The following SKIDA1 variants were observed in gnomAD, a reference collection of about 807,000 sequenced individuals.
SKIDA1 encodes SKI/DACH domain containing 1.
In SKIDA1, 18 loss-of-function variants were observed where a neutral mutation model predicts 51.4. The ratio of observed to expected loss-of-function variants is 0.35; its 90% CI spans 0.24 to 0.52. The LOEUF is 0.52. SKIDA1 is among the 20% of genes least tolerant of loss of function. The pLI is 0.95. For synonymous variants in SKIDA1, 579 were observed against 500.5 expected, an observed-to-expected ratio of 1.16 and a Z score of -2.09; for missense variants, 1,104 against 1,180.6, an observed-to-expected ratio of 0.94 and a Z score of 0.95.
At chr10:21,521,274 C>G (rs549205309) in intron 3 of SKIDA1, 115 bp downstream of exon 3, 1 of 152,502 alleles carries the variant, frequency 6.6e-6, no homozygotes, top group East Asian at 1.9e-4. Flanking sequence ...CGATCAATAG[C>G]TACCAACATT....
In SKIDA1 at chr10:21,521,371, A is replaced by G; in HGVS notation, c.-1837+18T>C. The G allele has an allele frequency of 6.5e-6, 1 of 152,772 alleles. No homozygotes were observed. Among genetic ancestry groups the G allele is most frequent in the African/African-American group, 2.4e-5 (1 of 41,582 alleles). The allele number at this position is 152,772 out of a possible 1,614,324, so 9.5% of individuals were successfully genotyped here. On this transcript the variant is annotated intron_variant, in intron 3 of 3. Coordinates refer to ENST00000449193, the MANE Select transcript of SKIDA1 (RefSeq NM_207371.4). Reference sequence around the variant, plus strand: ...TCTGTTATCAATTATGCTTAAAGTTATGCAATAATTTACTTACTTTGCCTG... The same window carrying G: ...TCTGTTATCAATTATGCTTAAAGTTGTGCAATAATTTACTTACTTTGCCTG...
At position 21,515,150 on chromosome 10, in the gene SKIDA1, G is replaced by T; in HGVS notation, c.2673C>A (p.Gly891=). The change falls in exon 4 of 4, where the codon GGC becomes GGA. Residue 891 remains glycine (G), a synonymous_variant. Coordinates refer to ENST00000449193, the MANE Select transcript of SKIDA1 (RefSeq NM_207371.4). The stretch of plus-strand genomic sequence containing the variant: ...TAGGTGGAAGAGGTATTGCAGAACC[G>T]CCCAGCTGCCATTTCCATATAGGAT... ...KAHPIWKWQL[G]GSAIPLPPSH... 1 of 1,613,662 alleles carries T rather than the reference G, an allele frequency of 6.2e-7. No individual in the cohort carries two copies. The highest frequency in any genetic ancestry group is 8.5e-7 in the Non-Finnish European group (1 of 1,179,756).
rs1486582658 is a variant in SKIDA1 at position 21,523,858 on chromosome 10, C to T, written c.-2104G>A. 1 of 148,588 alleles carries T rather than the reference C, an allele frequency of 6.7e-6. No individual in the cohort carries two copies. Among genetic ancestry groups the T allele is most frequent in the Non-Finnish European group, 1.5e-5 (1 of 67,610 alleles). 9.2% of individuals were successfully genotyped at this position (148,588 alleles called of 1,614,324 possible). On this transcript the variant is annotated 5_prime_UTR_variant, in exon 2 of 4. Transcript: ENST00000449193. ...AGCCAATCACTGTCTTTCACTGCTG[C>T]AGCTACTGGGAACCTACAAAAAAGC...
At position 21,516,550 on chromosome 10, in the gene SKIDA1, C is replaced by G; in HGVS notation, c.1273G>C (p.Glu425Gln). 8 of 1,544,520 alleles carry G rather than the reference C, an allele frequency of 5.2e-6. No homozygotes were observed. The highest frequency in any genetic ancestry group is 7.0e-6 in the Non-Finnish European group (8 of 1,140,332). The change falls in exon 4 of 4, where the codon GAG becomes CAG. Residue 425 changes from glutamate to glutamine, a missense_variant. By Grantham distance (29) the Glu-to-Gln change is conservative. Coordinates refer to ENST00000449193, the MANE Select transcript of SKIDA1 (RefSeq NM_207371.4). This position sits in a 1 kb window ranked among gnomAD's most constrained non-coding sequence, Gnocchi z 5.7. ...EEEGEEEEEE[E>Q]EEEGGSGASD... ...GCCCCGCTGCCCCCCTCCTCCTCCT[C>G]TTCCTCCTCCTCCTCCTCTCCCTCC...
chr10:21,518,047 T>TTTG lies in SKIDA1; in HGVS notation c.-228_-226dup, dbSNP rs917805405. On this transcript the variant is annotated 5_prime_UTR_variant, in exon 4 of 4. Coordinates refer to ENST00000449193, the MANE Select transcript of SKIDA1 (RefSeq NM_207371.4). ...ATTACACTGACTTGATTCTTGCTTT[T>TTTG]TTGTTGTTGTTGTTTTCGTTTTTTT... 7.9e-6 allele frequency: 4 copies of TTTG among 508,514 alleles called. No homozygotes were observed. The highest frequency in any genetic ancestry group is 3.2e-5 in the East Asian group (1 of 30,954). The allele number at this position is 508,514 out of a possible 1,614,324, so 31.5% of individuals were successfully genotyped here.
Position 21,515,589 on chromosome 10 carries a change from G to A in SKIDA1, c.2234C>T (p.Thr745Ile), listed in dbSNP as rs755658411. ...TTGAGCCAGTGGATTTAAGGAAGGA[G>A]TTTCTTTTTCAGGGCATGCAAAACC... ...KEGFACPEKE[T>I]PSLNPLAQSQ... Residue 745 changes from threonine (T) to isoleucine (I), a missense_variant, in exon 4 of 4, where the codon ACT (threonine) becomes ATT (isoleucine). Physicochemically the swap from Thr to Ile is moderately conservative, Grantham distance 89. Around this residue, in one of 3 missense-constraint regions of SKIDA1, gnomAD observed 938 missense variants for 886.4 expected, o/e 1.06. Coordinates refer to ENST00000449193, the MANE Select transcript of SKIDA1 (RefSeq NM_207371.4). 2.5e-6 allele frequency: 4 copies of A among 1,614,020 alleles called. No individual in the cohort carries two copies. Among genetic ancestry groups the A allele is most frequent in the East Asian group, 2.2e-5 (1 of 44,894 alleles).
At chr10:21,522,039 G>A (rs1485829364) in intron 2 of SKIDA1, among the ~76,000 whole-genome samples, 2 of 152,062 alleles carry the variant, frequency 1.3e-5, no homozygotes, top group Non-Finnish European at 2.9e-5. Context: ...TAATGCACAC[G>A]GCATTTACAG....
rs1157974803 is a variant in SKIDA1, at chr10:21,517,073, C to T, written c.750G>A (p.Ala250=). The T allele has an allele frequency of 1.0e-6, 1 of 993,070 alleles. No individual in the cohort carries two copies. 61.5% of individuals were successfully genotyped at this position (993,070 alleles called of 1,614,324 possible). Residue 250 remains alanine (A), a synonymous_variant, in exon 4 of 4, where the codon GCG becomes GCA. Coordinates refer to ENST00000449193, the MANE Select transcript of SKIDA1 (RefSeq NM_207371.4). The surrounding 1 kb of genome is among the most constrained non-coding windows in gnomAD (Gnocchi z 6.9). ...AAAAAYYQVS[A]AGPQPKAAAG... ...CCGCTGCCTTGGGCTGGGGCCCGGC[C>T]GCCGATACCTGGTAATAGGCGGCGG...
Position 21,515,702 on chromosome 10 carries a change from T to C in SKIDA1, c.2121A>G (p.Leu707=). The C allele has an allele frequency of 6.2e-7, 1 of 1,614,072 alleles. No homozygotes were observed. Among genetic ancestry groups the C allele is most frequent in the Non-Finnish European group, 8.5e-7 (1 of 1,179,906 alleles). ...CCTTTGTATCATTGCACTCGCACTTTAGCTTATTTGTAAAAAGGTGAGGTT... is the reference window on the plus strand; with the variant it reads ...CCTTTGTATCATTGCACTCGCACTTCAGCTTATTTGTAAAAAGGTGAGGTT... ...EYEPHLFTNK[L]KCECNDTKGE... is the part of the protein sequence containing the mutation. The change falls in exon 4 of 4, where the codon CTA becomes CTG. Residue 707 remains leucine (L), a synonymous_variant. Transcript: ENST00000449193.
chr10:21,516,450 T>TGGCTGG lies in SKIDA1; in HGVS notation c.1367_1372dup (p.Ser457_Gln458insProSer). On this transcript the variant is annotated inframe_insertion, in exon 4 of 4. Coordinates refer to ENST00000449193, the MANE Select transcript of SKIDA1 (RefSeq NM_207371.4). This position sits in a 1 kb window ranked among gnomAD's most constrained non-coding sequence, Gnocchi z 5.7. Reference sequence around the variant, plus strand: ...GAATCGGATGCTCTGCACTGACACTTGGCTGGAGCCGGAGCTGGAGTCCGA... The same window carrying TGGCTGG: ...GAATCGGATGCTCTGCACTGACACTTGGCTGGGGCTGGAGCCGGAGCTGGAGTCCGA... The TGGCTGG allele has an allele frequency of 6.2e-7, 1 of 1,612,718 alleles. No individual in the cohort carries two copies. The highest frequency in any genetic ancestry group is 2.2e-5 in the East Asian group (1 of 44,860).
At chr10:21,521,058 G>GCACACACACACACA (rs139184900) in intron 3 of SKIDA1, among the ~76,000 whole-genome samples, 3,939 of 146,690 alleles carry the variant, frequency 0.027, 81 homozygotes, top group Middle Eastern at 0.056. Flanking sequence ...ATGAGTGCAT[G>GCACACACACACACA]CACACACACA....
rs991996832 is a variant in SKIDA1 at position 21,515,440 on chromosome 10, G to T, written c.2383C>A (p.Pro795Thr). The part of the protein sequence containing the change: ...VLGKRPVLQT[P>T]PVKPNLKSAR... ...GATTTCAAATTTGGTTTGACTGGAG[G>T]TGTCTGAAGGACAGGTCGCTTTCCC... Residue 795 changes from proline to threonine, a missense_variant, in exon 4 of 4, where the codon CCT (proline) becomes ACT (threonine). By Grantham distance (38) the Pro-to-Thr change is conservative. Coordinates refer to ENST00000449193, the MANE Select transcript of SKIDA1 (RefSeq NM_207371.4). The T allele has an allele frequency of 1.9e-6, 3 of 1,614,034 alleles. No homozygotes were observed. The highest frequency in any genetic ancestry group is 1.1e-5 in the South Asian group (1 of 91,088).
At chr10:21,522,036 C>T (rs2032409736) in intron 2 of SKIDA1, among the ~76,000 whole-genome samples, 1 of 152,138 alleles carries the variant, frequency 6.6e-6, no homozygotes. Context: ...AAGTAATGCA[C>T]ACGGCATTTA....
rs772022730 is a variant in SKIDA1 at position 21,517,751 on chromosome 10, C to T, written c.72G>A (p.Lys24=). The T allele has an allele frequency of 1.1e-5, 17 of 1,613,816 alleles. No homozygotes were observed. The East Asian group carries it at 3.1e-4, about 30-fold the overall frequency. ...AGACTTGGGAGAGGGCAAACATTTGCTTCCCTTTAATGATGAGGTAGCCGA... is the reference window on the plus strand; with the variant it reads ...AGACTTGGGAGAGGGCAAACATTTGTTTCCCTTTAATGATGAGGTAGCCGA... The part of the protein sequence containing the change: ...VRLGYLIIKG[K]QMFALSQVFT... Residue 24 remains lysine (K), a synonymous_variant, in exon 4 of 4, where the codon AAG becomes AAA. Coordinates refer to ENST00000449193, the MANE Select transcript of SKIDA1 (RefSeq NM_207371.4). The surrounding 1 kb of genome is among the most constrained non-coding windows in gnomAD (Gnocchi z 6.9).
At position 21,515,961 on chromosome 10, in the gene SKIDA1, A is replaced by G. The variant is rs776447632; in HGVS notation, c.1862T>C (p.Leu621Ser). ...TTCTGCTCCTGAAGAATCATTATTT[A>G]AGAACCTAGCAGCTATTGTGTTGTT... ...ADNNTIAARF[L>S]NNDSSGAEAN... The change falls in exon 4 of 4, where the codon TTA becomes TCA. Residue 621 changes from leucine (L) to serine (S), a missense_variant. Leu to Ser is a moderately radical substitution (Grantham distance 145, BLOSUM62 -2). Coordinates refer to ENST00000449193, the MANE Select transcript of SKIDA1 (RefSeq NM_207371.4). 1 of 1,613,842 alleles carries G rather than the reference A, an allele frequency of 6.2e-7. No individual in the cohort carries two copies. Among genetic ancestry groups the G allele is most frequent in the African/African-American group, 1.3e-5 (1 of 74,922 alleles).
intron 2 of SKIDA1, among the ~76,000 whole-genome samples, chr10:21,523,194 A>G (rs2032473677): frequency 6.6e-6 from 1 of 151,612 alleles, no homozygotes; most frequent in Non-Finnish European, 1.5e-5. Context: ...CCTAGTGACC[A>G]AGGAAGGAAT....
At position 21,513,693 on chromosome 10, in the gene SKIDA1, T is replaced by C. The variant is rs2032100550; in HGVS notation, c.*1403A>G. 6.6e-6 allele frequency: 1 copy of C among 152,630 alleles called. No individual in the cohort carries two copies. The highest frequency in any genetic ancestry group is 2.1e-4 in the South Asian group (1 of 4,828). 9.5% of individuals were successfully genotyped at this position (152,630 alleles called of 1,614,324 possible). ...TGATTGTCACTTGCAGTAGAAACTC[T>C]CCTGCTCTATACACAGGATGGTCTG... On this transcript the variant is annotated 3_prime_UTR_variant, in exon 4 of 4. Coordinates refer to ENST00000449193, the MANE Select transcript of SKIDA1 (RefSeq NM_207371.4).
rs11384540 is a variant in SKIDA1 at position 21,518,850 on chromosome 10, CTTTT to C, written c.-1032_-1029del. 3.5e-4 allele frequency: 50 copies of C among 141,782 alleles called. No individual in the cohort carries two copies. The highest frequency in any genetic ancestry group is 5.9e-4 in the African/African-American group (21 of 35,412). The allele number at this position is 141,782 out of a possible 1,614,324, so 8.8% of individuals were successfully genotyped here. A position where few individuals can be genotyped will look rare whatever the true frequency, so the allele number is the denominator to read the frequency against. On this transcript the variant is annotated 5_prime_UTR_variant, in exon 4 of 4. Coordinates refer to ENST00000449193, the MANE Select transcript of SKIDA1 (RefSeq NM_207371.4). ...ACGTTTGGAATTTCTCTCGATTTTCCTTTTTTTTTTTTTTTTTTCCTGAAATGCC... is the reference window on the plus strand; with the variant it reads ...ACGTTTGGAATTTCTCTCGATTTTCCTTTTTTTTTTTTTTCCTGAAATGCC...
Position 21,515,069 on chromosome 10 carries a change from T to C in SKIDA1, c.*27A>G. On this transcript the variant is annotated 3_prime_UTR_variant, in exon 4 of 4. Coordinates refer to ENST00000449193, the MANE Select transcript of SKIDA1 (RefSeq NM_207371.4). Reference sequence around the variant, plus strand: ...TTACAACAAAAGGAAGGTAATATGGTTCAAGAAAATATCTTCCAAAACATT... The same window carrying C: ...TTACAACAAAAGGAAGGTAATATGGCTCAAGAAAATATCTTCCAAAACATT... 1 of 1,546,382 alleles carries C rather than the reference T, an allele frequency of 6.5e-7. No homozygotes were observed. Among genetic ancestry groups the C allele is most frequent in the Non-Finnish European group, 8.7e-7 (1 of 1,145,880 alleles).
Sources: gnomAD v4.1 joint callset for allele counts (sites outside exome capture counted in the v4.1 genomes callset) on GRCh38, gnomAD v4.1.1 for gene constraint, gnomAD v4.1.1 regional missense constraint, Gnocchi (gnomAD v3.1) non-coding constraint, MANE v1.5 for transcripts, NCBI Gene and HGNC (gene_info 2026-07-23, HGNC 2026-07-21) for gene names.